VRK2: variants seen among roughly 807,000 people sequenced by gnomAD.
VRK2 encodes the protein VRK serine/threonine kinase 2.
Under a neutral mutation model 57.6 loss-of-function variants are expected in VRK2, and 60 were observed. The observed-to-expected ratio is 1.04, with a 90% CI of 0.85 to 1.29. The LOEUF is 1.29. Ranked by LOEUF, VRK2 falls within the 50% of genes most tolerant of loss-of-function variation. VRK2 has a pLI of 0.00. For missense variants in VRK2, 705 were observed against 588.1 expected (o/e 1.20, Z -2.06); for synonymous variants, 231 against 199.2 (o/e 1.16, Z -1.35).
intron 8 of VRK2, among the ~76,000 whole-genome samples, chr2:58,126,753 T>C (rs1678409601): frequency 6.6e-6 from 1 of 152,134 alleles, no homozygotes; most frequent in Non-Finnish European, 1.5e-5. Flanking sequence ...AATTTTTTTA[T>C]TCTTTATAAA....
At chr2:57,973,911 G>A (rs998446055) in intron 1 of VRK2, among the ~76,000 whole-genome samples, 2 of 151,798 alleles carry the variant, frequency 1.3e-5, no homozygotes, top group African/African-American at 4.8e-5. Context: ...TTAGTTCTAT[G>A]AGGGCTTATA....
intron 1 of VRK2, among the ~76,000 whole-genome samples, chr2:57,986,634 T>C (rs531122679): frequency 6.9e-6 from 1 of 144,628 alleles, no homozygotes; most frequent in African/African-American, 2.6e-5. Flanking sequence ...AGTCTCACTC[T>C]GTCTCCCAGG....
chr2:58,024,289 C>T (rs1220317190), intron 1 of VRK2, among the ~76,000 whole-genome samples: 1 of 152,060 alleles, frequency 6.6e-6, no homozygotes, highest in Admixed American at 6.5e-5. Context: ...GGTTTCACAA[C>T]CACAATTTAC....
At chr2:57,985,717 G>C (rs1672574189) in intron 1 of VRK2, among the ~76,000 whole-genome samples, 1 of 151,748 alleles carries the variant, frequency 6.6e-6, no homozygotes, top group Non-Finnish European at 1.5e-5. Context: ...TAGGCAAGAA[G>C]GCAACAAAAA....
rs374199920 is a variant in VRK2, at chr2:58,153,870, T to C, written c.1183-5479T>C. ...TTTTTAGCTATGAATTCAATTTCTT[T>C]AGTAAGACTATTCAGATATTTATTT... is the stretch of plus-strand genomic sequence containing the variant. On this transcript the variant is annotated intron_variant, in intron 12 of 12. Transcript: ENST00000340157. Among the ~76,000 whole-genome samples, 5 of 152,242 alleles carry C rather than the reference T, an allele frequency of 3.3e-5. 1 individual carries two copies. The highest frequency in any genetic ancestry group is 1.2e-4 in the African/African-American group (5 of 41,572).
At chr2:57,922,304 A>T (rs892649142) in intron 1 of VRK2, among the ~76,000 whole-genome samples, 4 of 152,052 alleles carry the variant, frequency 2.6e-5, no homozygotes, top group African/African-American at 9.7e-5. Flanking sequence ...TGTCGTCAAC[A>T]TCGTCATCTT....
At chr2:58,132,959 TTAACTTTCATG>T (rs1170319025) in intron 9 of VRK2, among the ~76,000 whole-genome samples, 3 of 152,202 alleles carry the variant, frequency 2.0e-5, no homozygotes, top group Non-Finnish European at 4.4e-5. Context: ...TGTGTCCATA[TTAACTTTCATG>T]TAACATTTCG....
chr2:57,970,258 A>G (rs1172466097), intron 1 of VRK2, among the ~76,000 whole-genome samples: 1 of 150,518 alleles, frequency 6.6e-6, no homozygotes, highest in Non-Finnish European at 1.5e-5. Context: ...AAAGTTCATT[A>G]TATGAGACTA....
rs1281057510 is a variant in VRK2, at chr2:58,008,520, T to TGAAGGAAGGAAGAAAAGAAGGAAGGCA, written c.-438-17135_-438-17109dup. Among the ~76,000 whole-genome samples, 3 of 148,528 alleles carry TGAAGGAAGGAAGAAAAGAAGGAAGGCA rather than the reference T, an allele frequency of 2.0e-5. No homozygotes were observed. The Admixed American group carries it at 2.0e-4, about 10-fold the overall frequency. On this transcript the variant is annotated intron_variant, in intron 1 of 15. Coordinates refer to the VRK2 transcript ENST00000417641. ...GTTTTTTTCCTGTGGTTAACAAACG[T>TGAAGGAAGGAAGAAAAGAAGGAAGGCA]GAAGGAAGGAAGAAAAGAAGGAAGG...
At chr2:57,935,498 A>T (rs1336251749) in intron 1 of VRK2, among the ~76,000 whole-genome samples, 1 of 152,066 alleles carries the variant, frequency 6.6e-6, no homozygotes, top group East Asian at 1.9e-4. Flanking sequence ...TGCTTTTCCT[A>T]TCCTTAGGTA....
chr2:57,915,339 A>G (rs916818381), intron 1 of VRK2, among the ~76,000 whole-genome samples: 1 of 152,192 alleles, frequency 6.6e-6, no homozygotes, highest in African/African-American at 2.4e-5. Flanking sequence ...CTATAAAGTA[A>G]TAATTCTATT....
At chr2:57,991,779 C>G (rs1169351257) in intron 1 of VRK2, among the ~76,000 whole-genome samples, 4 of 143,566 alleles carry the variant, frequency 2.8e-5, no homozygotes, top group Non-Finnish European at 6.0e-5. Flanking sequence ...AACCCCGTCT[C>G]TACTAAAAAT....
At chr2:58,128,400 C>T (rs184481486) in intron 8 of VRK2, among the ~76,000 whole-genome samples, 7 of 152,050 alleles carry the variant, frequency 4.6e-5, no homozygotes, top group South Asian at 2.1e-4. Context: ...GGTGCTATCT[C>T]GGCTCACCAC....
chr2:58,102,252 T>C (rs1674076287), intron 7 of VRK2, among the ~76,000 whole-genome samples: 1 of 151,550 alleles, frequency 6.6e-6, no homozygotes. Context: ...CATATTAATA[T>C]TAACCTTGAA....
intron 1 of VRK2, among the ~76,000 whole-genome samples, chr2:58,016,844 T>C (rs1263718912): frequency 1.3e-5 from 2 of 152,178 alleles, no homozygotes; most frequent in African/African-American, 4.8e-5. Flanking sequence ...GACATTTGCT[T>C]TACCTCCTCA....
At chr2:58,136,190 T>C (rs145881090) in intron 10 of VRK2, among the ~76,000 whole-genome samples, 233 of 152,268 alleles carry the variant, frequency 1.5e-3, no homozygotes, top group African/African-American at 5.2e-3. Flanking sequence ...CCCCTCTCCA[T>C]TTGCAAGTCC....
In VRK2 at chr2:57,973,678, T is replaced by C. The variant is rs141318594; in HGVS notation, c.-438-51987T>C. 3.5e-3 allele frequency among the ~76,000 whole-genome samples: 529 copies of C among 151,958 alleles called. 3 individuals carry two copies. Among genetic ancestry groups the C allele is most frequent in the African/African-American group, 0.011 (443 of 41,512 alleles). ...TTTTAGGATTTTGTGGAAGATATGA[T>C]GAAACTATGATTAAAATTGCAAAGA... On this transcript the variant is annotated intron_variant, in intron 1 of 15. Transcript: ENST00000417641.
chr2:57,983,576 G>A (rs550315197), intron 1 of VRK2, among the ~76,000 whole-genome samples: 1 of 152,112 alleles, frequency 6.6e-6, no homozygotes, highest in Non-Finnish European at 1.5e-5. Context: ...AACTAATAAT[G>A]GATTCTAGAT....
intron 7 of VRK2, among the ~76,000 whole-genome samples, chr2:58,096,688 A>AT (rs988072996): frequency 6.6e-6 from 1 of 150,670 alleles, no homozygotes; most frequent in African/African-American, 2.4e-5. Flanking sequence ...CATTAATGAG[A>AT]TTTTTTCTTT....
Sources: gnomAD v4.1 joint callset for allele counts (sites outside exome capture counted in the v4.1 genomes callset) on GRCh38, gnomAD v4.1.1 for gene constraint, MANE v1.5 for transcripts, NCBI Gene and HGNC (gene_info 2026-07-23, HGNC 2026-07-21) for gene names.